The following PCDH7 variants were observed in gnomAD, a reference collection of about 807,000 sequenced individuals.
PCDH7 encodes protocadherin 7.
A neutral mutation model predicts 58.9 loss-of-function variants in PCDH7; 17 were observed. The observed-to-expected ratio is 0.29, with a 90% CI of 0.20 to 0.43. The LOEUF (loss-of-function observed/expected upper bound fraction) is 0.43, where lower values mean the gene tolerates loss of function less well. Ranked by LOEUF, PCDH7 falls within the 20% of genes least tolerant of loss-of-function variation. The pLI, the probability that PCDH7 is intolerant of heterozygous loss-of-function variation, is 1.00. For synonymous variants in PCDH7, 664 were observed against 616.4 expected, an observed-to-expected ratio of 1.08 and a Z score of -1.14; for missense variants, 1,274 against 1,441.0, an observed-to-expected ratio of 0.88 and a Z score of 1.88.
chr4:31,126,391 C>A (rs1000466449), intron 3 of PCDH7, among the ~76,000 whole-genome samples: 1 of 152,076 alleles, frequency 6.6e-6, no homozygotes, highest in African/African-American at 2.4e-5. Flanking sequence ...AACTCCTGGC[C>A]TTAAGCGATC....
At chr4:30,854,540 T>A (rs1733200353) in intron 1 of PCDH7, among the ~76,000 whole-genome samples, 1 of 151,962 alleles carries the variant, frequency 6.6e-6, no homozygotes, top group Non-Finnish European at 1.5e-5. Flanking sequence ...AGCTCTAAAA[T>A]GATCTGGTTG....
At chr4:31,031,020 G>A (rs970573128) in intron 3 of PCDH7, among the ~76,000 whole-genome samples, 1 of 152,142 alleles carries the variant, frequency 6.6e-6, no homozygotes, top group African/African-American at 2.4e-5. Context: ...AGTGATGTAG[G>A]TAAGATCTGC....
chr4:31,125,728 G>T (rs564427062), intron 3 of PCDH7, among the ~76,000 whole-genome samples: 66 of 152,326 alleles, frequency 4.3e-4, no homozygotes, highest in South Asian at 3.7e-3. Context: ...ACAGTGCACT[G>T]TGTTGTCAGA....
At chr4:31,081,536 G>A (rs770434627) in intron 3 of PCDH7, among the ~76,000 whole-genome samples, 1 of 152,048 alleles carries the variant, frequency 6.6e-6, no homozygotes, top group Non-Finnish European at 1.5e-5. Context: ...CCAATGAGAT[G>A]CCTCTACAAT....
chr4:31,050,079 T>A (rs1431089202), intron 3 of PCDH7, among the ~76,000 whole-genome samples: 2 of 152,138 alleles, frequency 1.3e-5, no homozygotes, highest in African/African-American at 4.8e-5. Context: ...TCTCTCTGGC[T>A]GTGACAGGAG....
chr4:30,751,742 TG>T (rs1718551492), intron 1 of PCDH7, among the ~76,000 whole-genome samples: 1 of 152,196 alleles, frequency 6.6e-6, no homozygotes, highest in South Asian at 2.1e-4. Context: ...ATTTCACCTT[TG>T]GCTAGACAAT....
Position 30,933,033 on chromosome 4 carries a change from C to CT in PCDH7, c.287+12676dup, listed in dbSNP as rs35077010. Among the ~76,000 whole-genome samples, 111 of 147,328 alleles carry CT rather than the reference C, an allele frequency of 7.5e-4. No homozygotes were observed. The South Asian group carries it at 9.3e-3, about 12-fold the overall frequency. On this transcript the variant is annotated intron_variant, in intron 2 of 3. Transcript: ENST00000509759. Reference sequence around the variant, plus strand: ...GAGGAGTTTCTTTCTTTCTTTCTTTCTTTTTTTTTTTTGAGACAGAGTCTT... The same window carrying CT: ...GAGGAGTTTCTTTCTTTCTTTCTTTCTTTTTTTTTTTTTGAGACAGAGTCTT...
intron 3 of PCDH7, among the ~76,000 whole-genome samples, chr4:31,097,634 AT>A (rs766026932): frequency 0.072 from 2,333 of 32,418 alleles, 305 homozygotes; most frequent in South Asian, 0.12. Context: ...ATATATATAT[AT>A]ATAAATCTTT....
At position 31,058,770 on chromosome 4, in the gene PCDH7, T is replaced by C. The variant is rs547474256; in HGVS notation, c.*8-83703T>C. 3.0e-4 allele frequency among the ~76,000 whole-genome samples: 45 copies of C among 152,068 alleles called. 2 individuals are homozygous for C. Among genetic ancestry groups the C allele is most frequent in the African/African-American group, 9.6e-4 (40 of 41,522 alleles). ...ATAAACACTCTCTCATGTAGACAAA[T>C]GTGCTTTAGATAATGATGGAGTTTT... On this transcript the variant is annotated intron_variant, in intron 3 of 3. Transcript: ENST00000509759.
intron 3 of PCDH7, among the ~76,000 whole-genome samples, chr4:31,022,865 T>C (rs1241885195): frequency 6.6e-6 from 1 of 152,046 alleles, no homozygotes; most frequent in Admixed American, 6.6e-5. Context: ...CTGTGCAAGG[T>C]AGAATAATAC....
chr4:31,031,592 G>T (rs537543604), intron 3 of PCDH7, among the ~76,000 whole-genome samples: 1 of 152,228 alleles, frequency 6.6e-6, no homozygotes, highest in East Asian at 1.9e-4. Context: ...TTTCTTATTT[G>T]TTGGCCTTCC....
chr4:30,783,554 G>A (rs1723048158), intron 1 of PCDH7, among the ~76,000 whole-genome samples: 1 of 152,086 alleles, frequency 6.6e-6, no homozygotes, highest in African/African-American at 2.4e-5. Flanking sequence ...ATAAAAATAA[G>A]AAGAAAAACA....
At chr4:30,963,389 T>C (rs1349444080) in intron 3 of PCDH7, among the ~76,000 whole-genome samples, 3 of 152,198 alleles carry the variant, frequency 2.0e-5, no homozygotes, top group Admixed American at 6.6e-5. Flanking sequence ...TTATGAAGTT[T>C]TCCAAGCTCT....
At chr4:31,038,298 G>T (rs993765047) in intron 3 of PCDH7, among the ~76,000 whole-genome samples, 7 of 151,996 alleles carry the variant, frequency 4.6e-5, no homozygotes, top group Admixed American at 1.3e-4. Context: ...TGTATGTTTA[G>T]TTCCTGAAGT....
At chr4:30,760,339 G>A (rs768117213) in intron 1 of PCDH7, among the ~76,000 whole-genome samples, 2 of 152,118 alleles carry the variant, frequency 1.3e-5, no homozygotes, top group Admixed American at 6.5e-5. Flanking sequence ...TCACTCTTCC[G>A]GCACAGGGCA....
In PCDH7 at chr4:30,986,145, A is replaced by G. The variant is rs539516147; in HGVS notation, c.*7+35930A>G. 5.3e-5 allele frequency among the ~76,000 whole-genome samples: 8 copies of G among 152,338 alleles called. No homozygotes were observed. The East Asian group carries it at 1.2e-3, about 22-fold the overall frequency. On this transcript the variant is annotated intron_variant, in intron 3 of 3. Transcript: ENST00000509759. Reference sequence around the variant, plus strand: ...CTAAAACCAAGAAAAATTAATCTGCATATGGAATTCTTCTTTAAAAGTTGA... The same window carrying G: ...CTAAAACCAAGAAAAATTAATCTGCGTATGGAATTCTTCTTTAAAAGTTGA...
chr4:30,770,303 C>T (rs139467736), intron 1 of PCDH7, among the ~76,000 whole-genome samples: 1 of 152,160 alleles, frequency 6.6e-6, no homozygotes, highest in Non-Finnish European at 1.5e-5. Flanking sequence ...ATCAGGTTTT[C>T]TTTTCCTTCA....
chr4:30,962,558 G>A (rs1038049344), intron 3 of PCDH7, among the ~76,000 whole-genome samples: 1 of 151,880 alleles, frequency 6.6e-6, no homozygotes, highest in Admixed American at 6.6e-5. Flanking sequence ...AAACCCAAGT[G>A]GGAGGATTAC....
intron 1 of PCDH7, among the ~76,000 whole-genome samples, chr4:30,896,685 T>G (rs979667245): frequency 6.6e-6 from 1 of 151,994 alleles, no homozygotes; most frequent in Non-Finnish European, 1.5e-5. Context: ...AATTTTTAAA[T>G]AAAATTTTAT....
Sources: gnomAD v4.1 joint callset for allele counts (sites outside exome capture counted in the v4.1 genomes callset) on GRCh38, gnomAD v4.1.1 for gene constraint, MANE v1.5 for transcripts, NCBI Gene and HGNC (gene_info 2026-07-23, HGNC 2026-07-21) for gene names.